Variants in SIRPG observed in about 807,000 individuals in gnomAD.
SIRPG encodes the protein signal-regulatory protein gamma.
Under a neutral mutation model 35.7 loss-of-function variants are expected in SIRPG, and 38 were observed. The ratio of observed to expected loss-of-function variants is 1.06; its 90% CI spans 0.82 to 1.40. The LOEUF (loss-of-function observed/expected upper bound fraction) is 1.40. SIRPG is among the 40% of genes most tolerant of loss of function. The pLI, the probability that SIRPG is intolerant of heterozygous loss-of-function variation, is 0.00. For synonymous variants in SIRPG, 215 were observed against 190.4 expected (o/e 1.13, Z -1.06); for missense variants, 519 against 483.0 (o/e 1.07, Z -0.70).
At chr20:1,634,591 A>G (rs1171921895) in intron 4 of SIRPG, among the ~76,000 whole-genome samples, 2 of 152,168 alleles carry the variant, frequency 1.3e-5, no homozygotes, top group Non-Finnish European at 2.9e-5. Context: ...GAGGATGGAA[A>G]AGTTTGGATG....
the SIRPG span, among the ~76,000 whole-genome samples, chr20:1,683,039 G>A: frequency 6.6e-6 from 1 of 152,206 alleles, no homozygotes; most frequent in East Asian, 1.9e-4. Context: ...AAGAACTCAA[G>A]CAACTCAATT....
chr20:1,672,965 G>A, the SIRPG span, among the ~76,000 whole-genome samples: 4 of 152,124 alleles, frequency 2.6e-5, no homozygotes, highest in Non-Finnish European at 4.4e-5. Context: ...CTCATCCTGC[G>A]TCCTGAAAGC....
upstream of SIRPG, among the ~76,000 whole-genome samples, chr20:1,658,861 T>C (rs541380350): frequency 3.3e-5 from 5 of 152,244 alleles, no homozygotes; most frequent in South Asian, 1.0e-3. Context: ...GCTTATATAG[T>C]GTATTTGGAC....
rs548420665 is a variant in SIRPG at position 1,635,567 on chromosome 20, T to C, written c.781A>G (p.Met261Val). Reference sequence around the variant, plus strand: ...ACGTTTACCTGGTTCCCCACCCTCATGGGCTGTTGAGTAACCTCCAAGGTG... The same window carrying C: ...ACGTTTACCTGGTTCCCCACCCTCACGGGCTGTTGAGTAACCTCCAAGGTG... The part of the protein sequence containing the change: ...PPTLEVTQQP[M>V]RVGNQVNVTC... The change falls in exon 4 of 6, where the codon ATG becomes GTG. Residue 261 changes from methionine (M) to valine (V), a missense_variant. Coordinates refer to ENST00000303415, the MANE Select transcript of SIRPG (RefSeq NM_018556.4). 1.3e-5 allele frequency: 21 copies of C among 1,614,116 alleles called. No individual in the cohort carries two copies. Among genetic ancestry groups the C allele is most frequent in the Admixed American group, 8.3e-5 (5 of 60,024 alleles).
At chr20:1,648,677 C>T (rs2091915521) in intron 2 of SIRPG, among the ~76,000 whole-genome samples, 1 of 152,024 alleles carries the variant, frequency 6.6e-6, no homozygotes, top group African/African-American at 2.4e-5. Flanking sequence ...AAAGAATATA[C>T]TTGGCCAGCC....
chr20:1,632,381 C>T (rs1051656846), intron 4 of SIRPG, among the ~76,000 whole-genome samples: 3 of 152,160 alleles, frequency 2.0e-5, no homozygotes, highest in South Asian at 2.1e-4. Context: ...CCGGCTCCCA[C>T]GCCACTGGTG....
Position 1,636,343 on chromosome 20 carries a change from G to T in SIRPG, c.593C>A (p.Pro198His). ...ELSDFQTNVD[P>H]TGQSVAYSIR... The stretch of plus-strand genomic sequence containing the variant: ...GCTGTAGGCCACACTCTGTCCTGTG[G>T]GGTCCACGTTGGTCTGGAAGTCTGA... The change falls in exon 3 of 6, where the codon CCC becomes CAC. Residue 198 changes from proline to histidine, a missense_variant. By Grantham distance (77) the Pro-to-His change is moderately conservative. Coordinates refer to ENST00000303415, the MANE Select transcript of SIRPG (RefSeq NM_018556.4). 6.2e-7 allele frequency: 1 copy of T among 1,614,220 alleles called. No individual in the cohort carries two copies. Among genetic ancestry groups the T allele is most frequent in the Non-Finnish European group, 8.5e-7 (1 of 1,180,038 alleles).
At position 1,657,748 on chromosome 20, in the gene SIRPG, G is replaced by T. The variant is rs199938326; in HGVS notation, c.-34C>A. 3 of 1,598,664 alleles carry T rather than the reference G, an allele frequency of 1.9e-6. No homozygotes were observed. Among genetic ancestry groups the T allele is most frequent in the African/African-American group, 1.3e-5 (1 of 74,708 alleles). On this transcript the variant is annotated 5_prime_UTR_variant, in exon 1 of 6. Coordinates refer to ENST00000303415, the MANE Select transcript of SIRPG (RefSeq NM_018556.4). ...CCTCAGAAGCCTGCTCTGTTCAAAC[G>T]TCTGTTCTGGGGAGATGTCAGGCCC...
chr20:1,648,398 AT>A (rs1568734664), intron 2 of SIRPG: 1 of 152,202 alleles, frequency 6.6e-6, no homozygotes, highest in Non-Finnish European at 1.5e-5. Flanking sequence ...TAAACAGTGA[AT>A]CTGTGCCTCC....
In SIRPG at chr20:1,635,548, A is replaced by G. The variant is rs1354029029; in HGVS notation, c.800T>C (p.Val267Ala). Residue 267 changes from valine (V) to alanine (A), a missense_variant, in exon 4 of 6, where the codon GTA (valine) becomes GCA (alanine). By Grantham distance (64) the Val-to-Ala change is moderately conservative (BLOSUM62 0). Transcript: ENST00000303415. ...TQQPMRVGNQVNVTCQVRKFY... is the reference protein window; with the variant it reads ...TQQPMRVGNQANVTCQVRKFY... The stretch of plus-strand genomic sequence containing the variant: ...CTTCCTCACCTGGCAGGTGACGTTT[A>G]CCTGGTTCCCCACCCTCATGGGCTG... 1 of 1,613,990 alleles carries G rather than the reference A, an allele frequency of 6.2e-7. No individual in the cohort carries two copies. Among genetic ancestry groups the G allele is most frequent in the Non-Finnish European group, 8.5e-7 (1 of 1,180,010 alleles).
intron 2 of SIRPG, among the ~76,000 whole-genome samples, chr20:1,640,011 T>C (rs566374602): frequency 1.5e-4 from 23 of 152,334 alleles, no homozygotes; most frequent in African/African-American, 5.5e-4. Flanking sequence ...CCATGCTGTT[T>C]TGGTTACTGT....
chr20:1,680,939 A>G, the SIRPG span, among the ~76,000 whole-genome samples: 1 of 152,208 alleles, frequency 6.6e-6, no homozygotes, highest in Non-Finnish European at 1.5e-5. Flanking sequence ...TATAAGGAAC[A>G]AAAGGGAAAC....
chr20:1,662,460 T>C (rs1429041832), upstream of SIRPG, among the ~76,000 whole-genome samples: 1 of 152,230 alleles, frequency 6.6e-6, no homozygotes, highest in Admixed American at 6.5e-5. Flanking sequence ...GAGTGTCCTA[T>C]TGTTCTTTCG....
intron 4 of SIRPG, among the ~76,000 whole-genome samples, chr20:1,634,209 GT>G (rs11284426): frequency 0.46 from 58,838 of 128,404 alleles, 13,998 homozygotes; most frequent in African/African-American, 0.72. Flanking sequence ...GCCTGGTACA[GT>G]TTTTTTTTTT....
chr20:1,648,708 G>A (rs1245686592), intron 2 of SIRPG, among the ~76,000 whole-genome samples: 1 of 152,134 alleles, frequency 6.6e-6, no homozygotes, highest in Non-Finnish European at 1.5e-5. Flanking sequence ...GCGCTCTTTG[G>A]AGGCAGAAGG....
chr20:1,660,984 C>T (rs190026581), upstream of SIRPG, among the ~76,000 whole-genome samples: 5 of 152,274 alleles, frequency 3.3e-5, no homozygotes, highest in African/African-American at 1.2e-4. Flanking sequence ...AGAGAATAAT[C>T]ATACCATCTT....
chr20:1,682,698 A>T, the SIRPG span, among the ~76,000 whole-genome samples: 1 of 152,214 alleles, frequency 6.6e-6, no homozygotes, highest in African/African-American at 2.4e-5. Flanking sequence ...ATCTCATACC[A>T]CATACAAAAA....
At chr20:1,634,818 C>A (rs531854999) in intron 4 of SIRPG, among the ~76,000 whole-genome samples, 10 of 151,770 alleles carry the variant, frequency 6.6e-5, no homozygotes, top group East Asian at 2.0e-4. Context: ...CTGAGGCGGG[C>A]GGATCACGAG....
At chr20:1,660,098 T>C (rs1287229934), upstream of SIRPG, among the ~76,000 whole-genome samples, 1 of 152,172 alleles carries the variant, frequency 6.6e-6, no homozygotes, top group Non-Finnish European at 1.5e-5. Context: ...AGAAGTAAAT[T>C]CATAAACCAA....
Sources: allele counts gnomAD v4.1 joint callset (sites outside exome capture counted in the v4.1 genomes callset), GRCh38; gene constraint gnomAD v4.1.1; transcripts MANE v1.5; gene names NCBI Gene and HGNC (gene_info 2026-07-23, HGNC 2026-07-21).